CTTNBP2: variants seen among roughly 807,000 people sequenced by gnomAD.
The protein encoded by CTTNBP2 is cortactin-binding protein 2.
In CTTNBP2, 108 loss-of-function variants were observed where a neutral mutation model predicts 156.9. The observed-to-expected ratio is 0.69, with a 90% CI of 0.59 to 0.81. The LOEUF is 0.81. Among genes scored for constraint, CTTNBP2 ranks in the 30% least tolerant of loss-of-function variants. The probability of loss-of-function intolerance (pLI) is 0.00; values close to 1 mark genes in which losing one functional copy is unlikely to be tolerated. For missense variants in CTTNBP2, 1,924 were observed against 2,035.4 expected, an observed-to-expected ratio of 0.95 and a Z score of 1.05; for synonymous variants, 767 against 751.8, an observed-to-expected ratio of 1.02 and a Z score of -0.33.
At chr7:117,773,799 G>A (rs1190468859) in intron 8 of CTTNBP2, among the ~76,000 whole-genome samples, 2 of 152,034 alleles carry the variant, frequency 1.3e-5, no homozygotes, top group Non-Finnish European at 2.9e-5. Context: ...TGGAAGCCCA[G>A]GGAGAGAGGA....
intron 2 of CTTNBP2, among the ~76,000 whole-genome samples, chr7:117,836,651 T>C (rs891598454): frequency 2.6e-5 from 4 of 152,292 alleles, no homozygotes; most frequent in Non-Finnish European, 5.9e-5. Flanking sequence ...CAAAATACCT[T>C]AAGCGTCTGT....
At chr7:117,821,156 C>A (rs10953853) in intron 2 of CTTNBP2, among the ~76,000 whole-genome samples, 89,189 of 151,906 alleles carry the variant, frequency 0.59, 26,191 homozygotes, top group East Asian at 0.71. Context: ...AGAATTTTTA[C>A]ATAAGCAATA....
At chr7:117,769,218 T>G (rs1797682208) in intron 8 of CTTNBP2, among the ~76,000 whole-genome samples, 1 of 152,068 alleles carries the variant, frequency 6.6e-6, no homozygotes, top group Non-Finnish European at 1.5e-5. Context: ...CAATAATGAG[T>G]TTGCTAGAAA....
intron 2 of CTTNBP2, among the ~76,000 whole-genome samples, chr7:117,814,482 G>A (rs540696480): frequency 5.1e-4 from 77 of 152,298 alleles, no homozygotes; most frequent in African/African-American, 1.6e-3. Flanking sequence ...CTGGAGTGCA[G>A]TGGCGTGATC....
intron 14 of CTTNBP2, among the ~76,000 whole-genome samples, chr7:117,744,261 A>T (rs1562967473): frequency 6.6e-6 from 1 of 152,174 alleles, no homozygotes; most frequent in East Asian, 1.9e-4. Context: ...ACTATCAAAC[A>T]GTAGGTCTCA....
At chr7:117,800,483 A>G (rs1029106260) in intron 3 of CTTNBP2, among the ~76,000 whole-genome samples, 6 of 152,108 alleles carry the variant, frequency 3.9e-5, no homozygotes, top group African/African-American at 1.4e-4. Flanking sequence ...TAGACTTAAG[A>G]TATGTGAATT....
intron 20 of CTTNBP2, among the ~76,000 whole-genome samples, chr7:117,720,760 A>G (rs1794742298): frequency 6.6e-6 from 1 of 152,226 alleles, no homozygotes; most frequent in South Asian, 2.1e-4. Flanking sequence ...ACTATCTAAA[A>G]GTTCACAAAT....
At chr7:117,848,724 A>T (rs1802754411) in intron 2 of CTTNBP2, among the ~76,000 whole-genome samples, 1 of 152,198 alleles carries the variant, frequency 6.6e-6, no homozygotes, top group South Asian at 2.1e-4. Flanking sequence ...ATGTACTGGG[A>T]CTCAAGTAAG....
chr7:117,772,150 G>A (rs1017246859), intron 8 of CTTNBP2, among the ~76,000 whole-genome samples: 1 of 152,180 alleles, frequency 6.6e-6, no homozygotes, highest in African/African-American at 2.4e-5. Context: ...ACATCACCAT[G>A]TTCACCTGTT....
intron 14 of CTTNBP2, among the ~76,000 whole-genome samples, chr7:117,742,501 G>A (rs567940344): frequency 7.9e-5 from 12 of 152,268 alleles, no homozygotes; most frequent in African/African-American, 2.9e-4. Context: ...ATGGGGAGGG[G>A]CAGAAATCAC....
intron 1 of CTTNBP2, among the ~76,000 whole-genome samples, chr7:117,864,127 A>G (rs1803952496): frequency 6.6e-6 from 1 of 152,194 alleles, no homozygotes; most frequent in Non-Finnish European, 1.5e-5. Context: ...TTCCATCAGT[A>G]GCAGCAACAC....
intron 2 of CTTNBP2, among the ~76,000 whole-genome samples, chr7:117,812,945 G>T (rs1471435880): frequency 6.6e-6 from 1 of 152,104 alleles, no homozygotes; most frequent in South Asian, 2.1e-4. Context: ...AGCATCTGCT[G>T]CAGGCTAACA....
chr7:117,757,078 C>A lies in CTTNBP2; in HGVS notation c.3269-444G>T, dbSNP rs140670973. On this transcript the variant is annotated intron_variant, in intron 11 of 22. Transcript: ENST00000160373. Reference sequence around the variant, plus strand: ...ACTGGCAATACTCGCCACCCCTCCCCCCAAGTTCTGCCATTCTCTCAATAC... The same window carrying A: ...ACTGGCAATACTCGCCACCCCTCCCACCAAGTTCTGCCATTCTCTCAATAC... Among the ~76,000 whole-genome samples the A allele has an allele frequency of 7.2e-5, 11 of 152,340 alleles. No individual in the cohort carries two copies. The East Asian group carries it at 1.9e-3, about 27-fold the overall frequency.
chr7:117,763,815 C>T (rs528605790), intron 9 of CTTNBP2, among the ~76,000 whole-genome samples: 62 of 152,204 alleles, frequency 4.1e-4, no homozygotes, highest in Admixed American at 2.0e-3. Context: ...AAGCAATCCT[C>T]CTGCCTCAGC....
intron 3 of CTTNBP2, among the ~76,000 whole-genome samples, chr7:117,808,033 G>A (rs1242706783): frequency 6.6e-6 from 1 of 152,156 alleles, no homozygotes; most frequent in Non-Finnish European, 1.5e-5. Flanking sequence ...CCACATAGAA[G>A]GAGCTGTATC....
intron 19 of CTTNBP2, among the ~76,000 whole-genome samples, chr7:117,722,457 T>C (rs1055976168): frequency 6.6e-6 from 1 of 151,712 alleles, no homozygotes; most frequent in Non-Finnish European, 1.5e-5. Flanking sequence ...TAAACTCTTG[T>C]AGTTTTATTC....
intron 3 of CTTNBP2, 122 bp downstream of exon 3, chr7:117,810,643 C>T (rs1800217482): frequency 1.3e-6 from 1 of 772,984 alleles, no homozygotes; most frequent in South Asian, 1.6e-5. Flanking sequence ...GCCTCTTGCA[C>T]TTCTAAGTAC....
At chr7:117,747,699 G>C (rs1287697747) in intron 12 of CTTNBP2, among the ~76,000 whole-genome samples, 2 of 152,182 alleles carry the variant, frequency 1.3e-5, no homozygotes, top group African/African-American at 4.8e-5. Flanking sequence ...CTTGAACCCG[G>C]GAGGTGGAGG....
At chr7:117,718,621 G>A (rs909353800) in intron 21 of CTTNBP2, among the ~76,000 whole-genome samples, 1 of 152,172 alleles carries the variant, frequency 6.6e-6, no homozygotes, top group African/African-American at 2.4e-5. Context: ...AGATACTAGA[G>A]TGCCAAAACA....
Sources: allele counts gnomAD v4.1 joint callset (sites outside exome capture counted in the v4.1 genomes callset), GRCh38; gene constraint gnomAD v4.1.1; transcripts MANE v1.5; gene names NCBI Gene and HGNC (gene_info 2026-07-23, HGNC 2026-07-21).